Variants in DCC observed in about 807,000 individuals in gnomAD.
DCC encodes DCC netrin 1 receptor, also known as netrin receptor DCC.
In DCC, 58 loss-of-function variants were observed where a neutral mutation model predicts 172.5. That is an observed-to-expected ratio of 0.34 (90% CI 0.27 to 0.42). The LOEUF is 0.42. Ranked by LOEUF, DCC falls within the 10% of genes least tolerant of loss-of-function variation. The pLI, the probability that DCC is intolerant of heterozygous loss-of-function variation, is 1.00. For synonymous variants in DCC, 709 were observed against 644.5 expected (o/e 1.10, Z -1.52); for missense variants, 1,740 against 1,791.0 (o/e 0.97, Z 0.51).
intron 5 of DCC, among the ~76,000 whole-genome samples, chr18:52,976,336 A>G (rs2041117454): frequency 6.6e-6 from 1 of 151,808 alleles, no homozygotes; most frequent in African/African-American, 2.4e-5. Context: ...TGCTGTGTAG[A>G]ACTTCTTTGG....
intron 5 of DCC, among the ~76,000 whole-genome samples, chr18:53,017,080 C>CTTTTTT (rs780984399): frequency 1.5e-5 from 2 of 131,318 alleles, no homozygotes; most frequent in South Asian, 2.5e-4. Flanking sequence ...TTTTTCTTTT[C>CTTTTTT]TTTTTTTTTT....
intron 9 of DCC, among the ~76,000 whole-genome samples, chr18:53,191,617 G>A (rs921844892): frequency 6.6e-6 from 1 of 152,202 alleles, no homozygotes; most frequent in African/African-American, 2.4e-5. Context: ...TCAAAAGGAA[G>A]TCAAGAAGGT....
rs62099172 is a variant in DCC at position 53,067,692 on chromosome 18, T to C, written c.1261+1526T>C. ...AAAACAGGGACAAGACAGTTGTTAA[T>C]ACAGATCCAAATACTTCAAAATGTT... On this transcript the variant is annotated intron_variant, in intron 7 of 28. Transcript: ENST00000442544. Among the ~76,000 whole-genome samples, 941 of 152,338 alleles carry C rather than the reference T, an allele frequency of 6.2e-3. 4 individuals carry two copies. The highest frequency in any genetic ancestry group is 0.013 in the Admixed American group (195 of 15,302).
At position 53,346,703 on chromosome 18, in the gene DCC, G is replaced by C. The variant is rs535710713; in HGVS notation, c.2359+6796G>C. On this transcript the variant is annotated intron_variant, in intron 15 of 28. Coordinates refer to ENST00000442544, the MANE Select transcript of DCC (RefSeq NM_005215.4). ...CCTTGCAAGTATACTTTACCTCTGA[G>C]AGCATAGTTATAAAAGTTACTTTAG... Among the ~76,000 whole-genome samples the C allele has an allele frequency of 1.6e-4, 24 of 152,146 alleles. No individual in the cohort carries two copies. In the South Asian group the frequency reaches 4.6e-3, roughly 29 times the overall value.
At chr18:53,059,096 T>C (rs1450806350) in intron 5 of DCC, among the ~76,000 whole-genome samples, 1 of 152,014 alleles carries the variant, frequency 6.6e-6, no homozygotes, top group Non-Finnish European at 1.5e-5. Context: ...AGGAGAAGTG[T>C]GGAGCCAAAG....
intron 1 of DCC, among the ~76,000 whole-genome samples, chr18:52,410,243 A>G (rs1352344393): frequency 1.3e-5 from 2 of 152,114 alleles, no homozygotes; most frequent in Admixed American, 6.6e-5. Context: ...GGGCAACAAA[A>G]TAATATCCCA....
At chr18:53,146,202 C>A (rs1355773325) in intron 7 of DCC, among the ~76,000 whole-genome samples, 1 of 151,832 alleles carries the variant, frequency 6.6e-6, no homozygotes, top group Admixed American at 6.6e-5. Context: ...GCCTGGGTGA[C>A]AGAACAAGAC....
chr18:52,863,972 A>G (rs1445324335), intron 2 of DCC, among the ~76,000 whole-genome samples: 1 of 152,186 alleles, frequency 6.6e-6, no homozygotes, highest in Non-Finnish European at 1.5e-5. Flanking sequence ...AAGTAATGCA[A>G]ACTTAAAAAG....
intron 2 of DCC, among the ~76,000 whole-genome samples, chr18:52,875,208 T>A (rs1217436393): frequency 6.8e-6 from 1 of 148,112 alleles, no homozygotes; most frequent in Non-Finnish European, 1.5e-5. Context: ...ATAAACAAAG[T>A]TAAAACACAC....
chr18:53,189,935 T>C (rs1345194418), intron 9 of DCC, among the ~76,000 whole-genome samples: 1 of 152,228 alleles, frequency 6.6e-6, no homozygotes, highest in African/African-American at 2.4e-5. Flanking sequence ...TTTTATTTTA[T>C]TTTATTTTGA....
At position 53,255,562 on chromosome 18, in the gene DCC, A is replaced by G. The variant is rs554234044; in HGVS notation, c.1911+39965A>G. The stretch of plus-strand genomic sequence containing the variant: ...CATGAACTCATCCTTTTTTATGGCT[A>G]CATAGTATTCCATGGTGTATATGTG... On this transcript the variant is annotated intron_variant, in intron 12 of 28. Coordinates refer to ENST00000442544, the MANE Select transcript of DCC (RefSeq NM_005215.4). 3.8e-4 allele frequency among the ~76,000 whole-genome samples: 58 copies of G among 151,898 alleles called. No individual in the cohort carries two copies. In the South Asian group the frequency reaches 4.8e-3, roughly 13 times the overall value.
intron 2 of DCC, among the ~76,000 whole-genome samples, chr18:52,815,622 T>C (rs2038281923): frequency 1.3e-5 from 2 of 152,228 alleles, no homozygotes; most frequent in Admixed American, 1.3e-4. Context: ...ACTCAGTTGC[T>C]AGTGTTTTGT....
At chr18:52,778,381 C>T (rs1319924458) in intron 2 of DCC, among the ~76,000 whole-genome samples, 1 of 152,048 alleles carries the variant, frequency 6.6e-6, no homozygotes, top group African/African-American at 2.4e-5. Flanking sequence ...TAATTTTTTG[C>T]ATTGTCTTAT....
intron 23 of DCC, among the ~76,000 whole-genome samples, chr18:53,456,835 G>A (rs2045489021): frequency 6.6e-6 from 1 of 152,200 alleles, no homozygotes; most frequent in African/African-American, 2.4e-5. Context: ...AGAACCAACA[G>A]ATGGGCAGAA....
At chr18:52,789,202 G>A (rs9966590) in intron 2 of DCC, among the ~76,000 whole-genome samples, 7,405 of 152,210 alleles carry the variant, frequency 0.049, 247 homozygotes, top group South Asian at 0.16. Flanking sequence ...AAAGCCTTTG[G>A]TTTTGAGAGG....
At chr18:53,203,267 G>A (rs2055572849) in intron 9 of DCC, among the ~76,000 whole-genome samples, 1 of 150,644 alleles carries the variant, frequency 6.6e-6, no homozygotes, top group Non-Finnish European at 1.5e-5. Flanking sequence ...ATACAGAAAG[G>A]AATATTTTGG....
chr18:53,299,263 C>A (rs1171590791), intron 12 of DCC, among the ~76,000 whole-genome samples: 2 of 152,152 alleles, frequency 1.3e-5, no homozygotes, highest in Non-Finnish European at 2.9e-5. Context: ...ATAACTTAGC[C>A]AAATGCCTTA....
chr18:53,019,978 T>A (rs1467694435), intron 5 of DCC, among the ~76,000 whole-genome samples: 1 of 152,130 alleles, frequency 6.6e-6, no homozygotes, highest in Non-Finnish European at 1.5e-5. Flanking sequence ...ACTAAAGTGA[T>A]TGTAGCCACA....
intron 7 of DCC, among the ~76,000 whole-genome samples, chr18:53,078,963 G>A (rs1024611270): frequency 2.6e-5 from 4 of 152,000 alleles, no homozygotes; most frequent in Non-Finnish European, 4.4e-5. Context: ...TATTTAAGTT[G>A]ACCTACCTGC....
Sources: allele counts gnomAD v4.1 joint callset (sites outside exome capture counted in the v4.1 genomes callset), GRCh38; gene constraint gnomAD v4.1.1; transcripts MANE v1.5; gene names NCBI Gene and HGNC (gene_info 2026-07-23, HGNC 2026-07-21).